Variants in PTPRN2 observed in about 807,000 individuals in gnomAD.
PTPRN2 encodes the protein protein tyrosine phosphatase receptor type N2, also known as receptor-type tyrosine-protein phosphatase N2.
In PTPRN2, 74 loss-of-function variants were observed where a neutral mutation model predicts 118.8. The observed-to-expected ratio is 0.62, with a 90% CI of 0.52 to 0.76. The LOEUF (loss-of-function observed/expected upper bound fraction) is 0.76. PTPRN2 is among the 30% of genes least tolerant of loss of function. PTPRN2 has a pLI of 0.00. For missense variants in PTPRN2, 1,481 were observed against 1,394.4 expected, an observed-to-expected ratio of 1.06 and a Z score of -0.99; for synonymous variants, 641 against 608.0, an observed-to-expected ratio of 1.05 and a Z score of -0.80.
intron 3 of PTPRN2, among the ~76,000 whole-genome samples, chr7:158,244,735 T>G (rs949334320): frequency 6.6e-6 from 1 of 151,880 alleles, no homozygotes; most frequent in South Asian, 2.1e-4. Flanking sequence ...AAAGTGTGTG[T>G]GTGTGTGAGT....
At chr7:157,790,124 GGT>G (rs1279007380) in intron 12 of PTPRN2, among the ~76,000 whole-genome samples, 1 of 144,810 alleles carries the variant, frequency 6.9e-6, no homozygotes, top group African/African-American at 2.6e-5. Flanking sequence ...GTGTGTGTGT[GGT>G]GTGTGTGTGG....
intron 12 of PTPRN2, among the ~76,000 whole-genome samples, chr7:157,783,199 T>C (rs997542390): frequency 1.3e-5 from 2 of 152,166 alleles, no homozygotes; most frequent in Non-Finnish European, 2.9e-5. Context: ...GTGAGTCCAT[T>C]AAACCTCTTT....
At chr7:158,365,703 T>G (rs1809389476) in intron 2 of PTPRN2, among the ~76,000 whole-genome samples, 1 of 136,384 alleles carries the variant, frequency 7.3e-6, no homozygotes. Flanking sequence ...AATGCACACA[T>G]GCACACGCAC....
At chr7:158,472,786 A>G (rs1789812905) in intron 2 of PTPRN2, among the ~76,000 whole-genome samples, 1 of 152,232 alleles carries the variant, frequency 6.6e-6, no homozygotes, top group African/African-American at 2.4e-5. Flanking sequence ...CGTTGCATGC[A>G]AGGGCCCGAG....
intron 6 of PTPRN2, among the ~76,000 whole-genome samples, chr7:158,161,559 C>G (rs1822356526): frequency 6.6e-6 from 1 of 152,168 alleles, no homozygotes; most frequent in African/African-American, 2.4e-5. Flanking sequence ...AGATGCAGAC[C>G]TTACACCTTT....
At chr7:157,723,193 A>G (rs1799339400) in intron 12 of PTPRN2, among the ~76,000 whole-genome samples, 1 of 152,204 alleles carries the variant, frequency 6.6e-6, no homozygotes, top group South Asian at 2.1e-4. Flanking sequence ...TGTGGTGAAC[A>G]TAGAATGTGG....
At chr7:158,071,227 G>A (rs867217387) in intron 11 of PTPRN2, among the ~76,000 whole-genome samples, 5 of 56,544 alleles carry the variant, frequency 8.8e-5, no homozygotes, top group African/African-American at 1.2e-4. Context: ...GGAGGTGCCC[G>A]TGGTGGTGGA....
At chr7:158,459,375 C>A (rs1334286803) in intron 2 of PTPRN2, among the ~76,000 whole-genome samples, 1 of 148,512 alleles carries the variant, frequency 6.7e-6, no homozygotes, top group Non-Finnish European at 1.5e-5. Context: ...CCGCTTGGGA[C>A]GAACGGGCTC....
chr7:158,278,186 T>A (rs1799161730), intron 3 of PTPRN2, among the ~76,000 whole-genome samples: 1 of 152,094 alleles, frequency 6.6e-6, no homozygotes, highest in Non-Finnish European at 1.5e-5. Context: ...ATGTAGGAAC[T>A]TCCTTCCAGA....
rs1819054577 is a variant in PTPRN2, at chr7:158,138,480, T to C, written c.946A>G (p.Arg316Gly). The C allele has an allele frequency of 6.2e-7, 1 of 1,612,950 alleles. No homozygotes were observed. Among genetic ancestry groups the C allele is most frequent in the Non-Finnish European group, 8.5e-7 (1 of 1,180,034 alleles). The change falls in exon 7 of 23, where the codon AGG becomes GGG. Residue 316 changes from arginine to glycine, a missense_variant. Arg to Gly is a moderately radical substitution (Grantham distance 125). Transcript: ENST00000389418. ...RIHTLLKDLQ[R>G]QPAEVRGLSG... is the part of the protein sequence containing the mutation. ...AGGCCCCTCACCTCAGCCGGCTGCCTCTGCAGGTCCTTCAGGAGGGTATGA... is the reference window on the plus strand; with the variant it reads ...AGGCCCCTCACCTCAGCCGGCTGCCCCTGCAGGTCCTTCAGGAGGGTATGA...
At chr7:158,188,272 CT>C (rs1825390714) in intron 5 of PTPRN2, among the ~76,000 whole-genome samples, 1 of 86,760 alleles carries the variant, frequency 1.2e-5, no homozygotes, top group Non-Finnish European at 2.3e-5. Flanking sequence ...CGCTCGCCCC[CT>C]GTATGGGGAA....
chr7:157,613,619 G>A (rs929736620), intron 15 of PTPRN2, among the ~76,000 whole-genome samples: 13 of 152,182 alleles, frequency 8.5e-5, no homozygotes, highest in African/African-American at 1.9e-4. Context: ...AGGCCGCCGC[G>A]TTCCTTCCCC....
intron 12 of PTPRN2, among the ~76,000 whole-genome samples, chr7:157,830,035 GTGTT>G: frequency 6.6e-6 from 1 of 151,470 alleles, no homozygotes; most frequent in East Asian, 1.9e-4. Flanking sequence ...TCTCTCCCCC[GTGTT>G]ACCACCCCCT....
chr7:157,714,965 A>G (rs920439936), intron 12 of PTPRN2, among the ~76,000 whole-genome samples: 1 of 152,202 alleles, frequency 6.6e-6, no homozygotes, highest in African/African-American at 2.4e-5. Context: ...TTCCGAGGCC[A>G]GCTCCCCAGG....
intron 3 of PTPRN2, among the ~76,000 whole-genome samples, chr7:158,241,543 TA>T (rs1463102267): frequency 1.3e-5 from 2 of 152,016 alleles, no homozygotes; most frequent in Non-Finnish European, 2.9e-5. Context: ...AAATAAAATT[TA>T]AATTTAAATT....
At chr7:158,413,883 T>C (rs1359826338) in intron 2 of PTPRN2, among the ~76,000 whole-genome samples, 1 of 152,106 alleles carries the variant, frequency 6.6e-6, no homozygotes, top group Non-Finnish European at 1.5e-5. Context: ...CTCACGCCTG[T>C]AATCCCAGCA....
intron 11 of PTPRN2, among the ~76,000 whole-genome samples, chr7:157,962,322 TGTTATTCCACCAGCGGGAGC>T (rs1279661204): frequency 1.8e-4 from 27 of 148,336 alleles, no homozygotes; most frequent in South Asian, 4.3e-4. Context: ...TCAGCAGGAG[TGTTATTCCACCAGCGGGAGC>T]GTTATTCCCC....
chr7:157,577,394 T>C (rs1800115310), intron 18 of PTPRN2, among the ~76,000 whole-genome samples: 1 of 152,246 alleles, frequency 6.6e-6, no homozygotes, highest in African/African-American at 2.4e-5. Context: ...ACTCATTTAA[T>C]GCCAAACAGA....
rs77024699 is a variant in PTPRN2, at chr7:157,958,216, G to A, written c.1724-59479C>T. On this transcript the variant is annotated intron_variant, in intron 11 of 22. Coordinates refer to ENST00000389418, the MANE Select transcript of PTPRN2 (RefSeq NM_002847.5). ...TTCAACCCTCTTTCATGATAAAAACGCTCAACAAACTAGGAGTAACAGAAA... is the reference window on the plus strand; with the variant it reads ...TTCAACCCTCTTTCATGATAAAAACACTCAACAAACTAGGAGTAACAGAAA... Among the ~76,000 whole-genome samples the A allele has an allele frequency of 1.0e-3, 156 of 152,130 alleles. 1 individual carries two copies. Among genetic ancestry groups the A allele is most frequent in the African/African-American group, 3.2e-3 (132 of 41,502 alleles).
Sources: allele counts gnomAD v4.1 joint callset (sites outside exome capture counted in the v4.1 genomes callset), GRCh38; gene constraint gnomAD v4.1.1; transcripts MANE v1.5; gene names NCBI Gene and HGNC (gene_info 2026-07-23, HGNC 2026-07-21).